The following NTRK1 variants were observed in gnomAD, a reference collection of about 807,000 sequenced individuals.
NTRK1 encodes the protein high affinity nerve growth factor receptor.
Under a neutral mutation model 86.8 loss-of-function variants are expected in NTRK1, and 62 were observed. The observed-to-expected ratio is 0.71, with a 90% CI of 0.58 to 0.88. The LOEUF (loss-of-function observed/expected upper bound fraction) is 0.88. Among genes scored for constraint, NTRK1 ranks in the 40% least tolerant of loss-of-function variants. NTRK1 has a pLI of 0.00. For synonymous variants in NTRK1, 469 were observed against 456.6 expected, an observed-to-expected ratio of 1.03 and a Z score of -0.35; for missense variants, 967 against 1,078.4, an observed-to-expected ratio of 0.90 and a Z score of 1.45.
intron 1 of NTRK1, among the ~76,000 whole-genome samples, chr1:156,835,311 T>G (rs1449915083): frequency 1.3e-5 from 2 of 152,142 alleles, no homozygotes; most frequent in Non-Finnish European, 2.9e-5. Flanking sequence ...GAAAAAAATG[T>G]CCTTGGAGAG....
intron 1 of NTRK1, among the ~76,000 whole-genome samples, chr1:156,834,056 T>G (rs1200525885): frequency 6.6e-6 from 1 of 152,220 alleles, no homozygotes; most frequent in African/African-American, 2.4e-5. Context: ...ATCCCTTATA[T>G]TCAATTATCT....
upstream of NTRK1, chr1:156,860,857 A>G (rs530790678): frequency 3.6e-6 from 5 of 1,376,044 alleles, no homozygotes; most frequent in Admixed American, 3.8e-5. Flanking sequence ...CCCAGCGCAC[A>G]TGTCGGGGGA....
intron 1 of NTRK1, chr1:156,816,580 C>G (rs1653956383): frequency 1.5e-6 from 2 of 1,369,700 alleles, no homozygotes; most frequent in Admixed American, 4.3e-5. Flanking sequence ...TGGGGCCCCT[C>G]ATCCCTGAAG....
chr1:156,826,584 C>T (rs1571642358), intron 1 of NTRK1, among the ~76,000 whole-genome samples: 1 of 152,130 alleles, frequency 6.6e-6, no homozygotes, highest in South Asian at 2.1e-4. Context: ...CCACTGTGCC[C>T]GGCTGATCTC....
chr1:156,852,104 T>A, intron 2 of NTRK1: 1 of 1,613,526 alleles, frequency 6.2e-7, no homozygotes, highest in Non-Finnish European at 8.5e-7. Context: ...GGCACGAGGG[T>A]CTTCTGGCTG....
intron 1 of NTRK1, 64 bp downstream of exon 1, chr1:156,861,210 G>T: frequency 6.6e-7 from 1 of 1,506,556 alleles, no homozygotes; most frequent in Non-Finnish European, 8.9e-7. Context: ...CCCCGAGGGC[G>T]CGGACTCGCT....
chr1:156,823,737 A>G (rs1654248246), intron 1 of NTRK1, among the ~76,000 whole-genome samples: 1 of 152,208 alleles, frequency 6.6e-6, no homozygotes, highest in Non-Finnish European at 1.5e-5. Context: ...TCTGCACCTC[A>G]GTGAGAAGGT....
chr1:156,833,563 AT>A (rs67867038), intron 1 of NTRK1, among the ~76,000 whole-genome samples: 9 of 152,060 alleles, frequency 5.9e-5, no homozygotes, highest in African/African-American at 2.2e-4. Context: ...GTCTCAAAAA[AT>A]AAACAAAAAA....
intron 2 of NTRK1, chr1:156,846,654 C>G (rs1309275658): frequency 2.5e-6 from 4 of 1,614,194 alleles, no homozygotes; most frequent in Non-Finnish European, 3.4e-6. Flanking sequence ...AGGGTCACCC[C>G]TGGCTCCTGG....
At chr1:156,847,442 G>GC (rs1320983048) in intron 2 of NTRK1, among the ~76,000 whole-genome samples, 2 of 152,220 alleles carry the variant, frequency 1.3e-5, no homozygotes, top group South Asian at 2.1e-4. Flanking sequence ...ATGACAGTGG[G>GC]CCCCCCATGG....
At chr1:156,844,846 G>C in intron 2 of NTRK1, 2 of 1,613,890 alleles carry the variant, frequency 1.2e-6, no homozygotes, top group Non-Finnish European at 1.7e-6. Context: ...AGCCTCTCCT[G>C]CGGGAAGGGG....
rs756324388 is a variant in NTRK1 at position 156,816,086 on chromosome 1, C to T, written c.-64+248C>T. 15 of 1,613,166 alleles carry T rather than the reference C, an allele frequency of 9.3e-6. No homozygotes were observed. The highest frequency in any genetic ancestry group is 6.6e-5 in the South Asian group (6 of 90,930). ...GTGCTGAAGGTTGGGATGGGGGCTT[C>T]GTGACTCCCTGTGAGCACAAAGAGG... On this transcript the variant is annotated intron_variant, in intron 1 of 16. Transcript: ENST00000392302.
At position 156,876,346 on chromosome 1, in the gene NTRK1, C is replaced by T. The variant is rs1647906478; in HGVS notation, c.1633-54C>T. The T allele has an allele frequency of 2.5e-6, 4 of 1,611,602 alleles. No individual in the cohort carries two copies. The East Asian group carries it at 6.7e-5, about 27-fold the overall frequency. ...GGGTGGGCGGGCTGCCCTGGGTGAA[C>T]AGCAGTGAGGGCTCGGCCCCCAACT... On this transcript the variant is annotated intron_variant, in intron 13 of 16. Coordinates refer to ENST00000524377, the MANE Select transcript of NTRK1 (RefSeq NM_002529.4).
chr1:156,849,996 G>A (rs1327485359), intron 2 of NTRK1, among the ~76,000 whole-genome samples: 6 of 151,734 alleles, frequency 4.0e-5, no homozygotes, highest in Non-Finnish European at 8.8e-5. Flanking sequence ...TTGACCTCCC[G>A]GGCTCAGGTG....
intron 2 of NTRK1, chr1:156,846,460 C>A (rs1655011999): frequency 8.8e-6 from 12 of 1,365,004 alleles, no homozygotes; most frequent in Non-Finnish European, 1.2e-5. Context: ...GGTGCCTGTG[C>A]TCCCCTGTTC....
intron 11 of NTRK1, 48 bp from the exon 12 acceptor site, chr1:156,875,472 G>C (rs369951465): frequency 1.6e-5 from 25 of 1,612,016 alleles, no homozygotes; most frequent in Non-Finnish European, 2.0e-5. Flanking sequence ...GGGTGGGCAG[G>C]GCCAAGGTGT....
intron 11 of NTRK1, among the ~76,000 whole-genome samples, chr1:156,875,294 G>A (rs1400245115): frequency 6.6e-6 from 1 of 152,030 alleles, no homozygotes; most frequent in African/African-American, 2.4e-5. Flanking sequence ...GGCTCTGTGG[G>A]GGTGGAGGGG....
rs139876524 is a variant in NTRK1 at position 156,866,901 on chromosome 1, C to T, written c.360-9C>T. ...AGGGGTCTGTCTTGCTGTGTCTCCACGCCCGCAGGAATCTCTCCTTCAACG... is the reference window on the plus strand; with the variant it reads ...AGGGGTCTGTCTTGCTGTGTCTCCATGCCCGCAGGAATCTCTCCTTCAACG... On this transcript the variant is annotated splice_polypyrimidine_tract_variant and intron_variant, in intron 3 of 16. Transcript: ENST00000524377. 76 of 1,614,146 alleles carry T rather than the reference C, an allele frequency of 4.7e-5. No homozygotes were observed. In the East Asian group the frequency reaches 8.5e-4, roughly 18 times the overall value.
At chr1:156,869,228 C>G (rs1297933280) in intron 6 of NTRK1, among the ~76,000 whole-genome samples, 1 of 152,054 alleles carries the variant, frequency 6.6e-6, no homozygotes, top group African/African-American at 2.4e-5. Flanking sequence ...TACAGGCACG[C>G]GCCACCATGC....
Sources: allele counts gnomAD v4.1 joint callset (sites outside exome capture counted in the v4.1 genomes callset), GRCh38; gene constraint gnomAD v4.1.1; transcripts MANE v1.5; gene names NCBI Gene and HGNC (gene_info 2026-07-23, HGNC 2026-07-21).